FANCI: variants seen among roughly 807,000 people sequenced by gnomAD.
FANCI encodes Fanconi anemia group I protein.
A neutral mutation model predicts 176.1 loss-of-function variants in FANCI; 156 were observed. The ratio of observed to expected loss-of-function variants is 0.89; its 90% CI spans 0.78 to 1.01. The LOEUF (loss-of-function observed/expected upper bound fraction) is 1.01, where lower values mean the gene tolerates loss of function less well. Among genes scored for constraint, FANCI ranks in the 50% least tolerant of loss-of-function variants. FANCI has a pLI of 0.00. For missense variants in FANCI, 1,678 were observed against 1,534.1 expected (o/e 1.09, Z -1.57); for synonymous variants, 613 against 541.7 (o/e 1.13, Z -1.83).
At position 89,307,426 on chromosome 15, in the gene FANCI, T is replaced by C. The variant is rs757021766; in HGVS notation, c.3538-50T>C. The stretch of plus-strand genomic sequence containing the variant: ...TCCATAGGCTCACTGCAGCAGTCAC[T>C]TGTAGTTTCATAGGACAGTCTACTA... On this transcript the variant is annotated intron_variant, in intron 32 of 37. Transcript: ENST00000310775. 5.1e-6 allele frequency: 8 copies of C among 1,558,378 alleles called. No individual in the cohort carries two copies. The South Asian group carries it at 9.1e-5, about 18-fold the overall frequency.
intron 1 of FANCI, among the ~76,000 whole-genome samples, chr15:89,246,218 GCCT>G (rs1219937080): frequency 6.6e-6 from 1 of 152,046 alleles, no homozygotes; most frequent in Non-Finnish European, 1.5e-5. Context: ...TGCTTCATGT[GCCT>G]CCATTTCATC....
intron 9 of FANCI, among the ~76,000 whole-genome samples, chr15:89,267,874 C>T (rs755496475): frequency 1.8e-4 from 27 of 152,166 alleles, no homozygotes; most frequent in Non-Finnish European, 3.2e-4. Context: ...CCACAGTGAG[C>T]TATGATCATG....
intron 15 of FANCI, among the ~76,000 whole-genome samples, chr15:89,281,504 A>G (rs908049106): frequency 6.6e-6 from 1 of 152,102 alleles, no homozygotes; most frequent in Non-Finnish European, 1.5e-5. Context: ...TATTCTCTCA[A>G]CTCATTTTCA....
At chr15:89,261,970 A>C in intron 6 of FANCI, 92 bp downstream of exon 6, 1 of 1,136,934 alleles carries the variant, frequency 8.8e-7, no homozygotes, top group South Asian at 1.3e-5. Flanking sequence ...GGAGGTTTTA[A>C]GTCCTTCTTT....
intron 8 of FANCI, 60 bp downstream of exon 8, chr15:89,264,086 A>G (rs2052834210): frequency 1.3e-6 from 2 of 1,586,812 alleles, no homozygotes; most frequent in Non-Finnish European, 1.7e-6. Flanking sequence ...TGACCATTCA[A>G]CTTATTCATA....
chr15:89,282,688 G>A lies in FANCI; in HGVS notation c.1584-448G>A, dbSNP rs1334598999. The stretch of plus-strand genomic sequence containing the variant: ...ACATCTTTAACATGAATTAATCATT[G>A]CGCCTCAGTGAGAAGACAAGTGTGA... On this transcript the variant is annotated intron_variant, in intron 16 of 37. Transcript: ENST00000310775. 3 of 233,828 alleles carry A rather than the reference G, an allele frequency of 1.3e-5. No individual in the cohort carries two copies. The East Asian group carries it at 3.0e-4, about 23-fold the overall frequency. The allele number at this position is 233,828 out of a possible 1,614,324, so 14.5% of individuals were successfully genotyped here.
Position 89,268,312 on chromosome 15 carries a change from G to C in FANCI, c.756-87G>C, listed in dbSNP as rs7496308. Reference sequence around the variant, plus strand: ...TCTTGAACTCCTGGGATCAAGTGATGCGCCCGCCTTGGCCTCCCAAAGTGC... The same window carrying C: ...TCTTGAACTCCTGGGATCAAGTGATCCGCCCGCCTTGGCCTCCCAAAGTGC... On this transcript the variant is annotated intron_variant, in intron 9 of 37. Coordinates refer to ENST00000310775, the MANE Select transcript of FANCI (RefSeq NM_001113378.2). The C allele has an allele frequency of 0.4, 573,047 of 1,418,244 alleles. 119,339 individuals carry two copies. Among genetic ancestry groups the C allele is most frequent in the African/African-American group, 0.66 (46,628 of 71,142 alleles). The allele number at this position is 1,418,244 out of a possible 1,614,324, so 87.9% of individuals were successfully genotyped here.
chr15:89,304,004 A>T, intron 28 of FANCI, 89 bp downstream of exon 28: 1 of 1,272,770 alleles, frequency 7.9e-7, no homozygotes, highest in South Asian at 1.2e-5. Flanking sequence ...TTCCCCATTC[A>T]TTACACATTC....
At chr15:89,274,599 CTTTT>C (rs1157910630) in intron 12 of FANCI, among the ~76,000 whole-genome samples, 4 of 82,814 alleles carry the variant, frequency 4.8e-5, no homozygotes, top group African/African-American at 1.0e-4. Context: ...TCTTTCTTTC[CTTTT>C]TTTTTTTTTT....
In FANCI at chr15:89,281,748, C is replaced by T. The variant is rs748743855; in HGVS notation, c.1513-17C>T. The T allele has an allele frequency of 3.1e-6, 5 of 1,612,596 alleles. No homozygotes were observed. The Admixed American group carries it at 8.3e-5, about 27-fold the overall frequency. On this transcript the variant is annotated splice_polypyrimidine_tract_variant and intron_variant, in intron 15 of 37. Transcript: ENST00000310775. Reference sequence around the variant, plus strand: ...TAAGCAAACTTGTTCTGTTTTTACCCACTGATTCTTTTTCAGCCCCTTCTC... The same window carrying T: ...TAAGCAAACTTGTTCTGTTTTTACCTACTGATTCTTTTTCAGCCCCTTCTC...
chr15:89,291,801 C>G, intron 20 of FANCI, 87 bp downstream of exon 20: 4 of 1,023,504 alleles, frequency 3.9e-6, no homozygotes, highest in Non-Finnish European at 6.1e-6. Context: ...CCCTGTGAAA[C>G]TCTCTTCCTG....
At chr15:89,249,697 AT>A (rs2052153624) in intron 2 of FANCI, among the ~76,000 whole-genome samples, 1 of 152,180 alleles carries the variant, frequency 6.6e-6, no homozygotes, top group Non-Finnish European at 1.5e-5. Flanking sequence ...AACTCACAAA[AT>A]AAGGGATGGA....
At chr15:89,311,642 T>G (rs1400769163) in intron 34 of FANCI, among the ~76,000 whole-genome samples, 1 of 152,152 alleles carries the variant, frequency 6.6e-6, no homozygotes, top group East Asian at 1.9e-4. Context: ...TACCCTGCCT[T>G]CCAGGGCCAA....
chr15:89,270,850 T>C lies in FANCI; in HGVS notation c.882+2325T>C, dbSNP rs574707291. Among the ~76,000 whole-genome samples, 4 of 152,352 alleles carry C rather than the reference T, an allele frequency of 2.6e-5. No individual in the cohort carries two copies. In the East Asian group the frequency reaches 5.8e-4, roughly 22 times the overall value. ...ATGCCCAAGGCTCACCATAGTACTT[T>C]CTTTGCCCCATCCTGATGCTAGCCA... On this transcript the variant is annotated intron_variant, in intron 10 of 37. Coordinates refer to ENST00000310775, the MANE Select transcript of FANCI (RefSeq NM_001113378.2).
In FANCI at chr15:89,258,719, C is replaced by G. The variant is rs1432524532; in HGVS notation, c.100C>G (p.Gln34Glu). The change falls in exon 3 of 38, where the codon CAG (glutamine) becomes GAG (glutamate). Residue 34 changes from glutamine to glutamate, a missense_variant. Physicochemically the swap from Gln to Glu is conservative, Grantham distance 29. Coordinates refer to ENST00000310775, the MANE Select transcript of FANCI (RefSeq NM_001113378.2). Reference protein sequence around the residue: ...LREGDLTNLLQNQAVKGKVAG... With the variant: ...LREGDLTNLLENQAVKGKVAG... ...TTCTTTGCAGTTGACTAATCTCCTT[C>G]AGAATCAAGCAGTGAAAGGAAAAGT... 2.5e-6 allele frequency: 4 copies of G among 1,613,506 alleles called. No homozygotes were observed. The highest frequency in any genetic ancestry group is 3.4e-6 in the Non-Finnish European group (4 of 1,179,458).
chr15:89,246,766 T>TTC (rs1555439980), intron 1 of FANCI, among the ~76,000 whole-genome samples: 4 of 137,408 alleles, frequency 2.9e-5, no homozygotes, highest in South Asian at 2.4e-4. Flanking sequence ...TTCCTTTCTT[T>TTC]TTTTTTTTTT....
Position 89,294,897 on chromosome 15 carries a change from C to T in FANCI, c.2457-18C>T, listed in dbSNP as rs1490620760. 1.6e-5 allele frequency: 24 copies of T among 1,545,444 alleles called. No homozygotes were observed. In the Admixed American group the frequency reaches 2.7e-4, roughly 17 times the overall value. ...AGGGAATCTTCCTTTTTCTTTCTCT[C>T]TCTCTGTCTCTCTCTAGGGATAGTA... is the stretch of plus-strand genomic sequence containing the variant. On this transcript the variant is annotated intron_variant, in intron 23 of 37. Transcript: ENST00000310775.
chr15:89,244,688 G>A (rs1167777207), intron 1 of FANCI, among the ~76,000 whole-genome samples: 7 of 152,194 alleles, frequency 4.6e-5, no homozygotes, highest in South Asian at 2.1e-4. Context: ...GTAGTTCAAA[G>A]CATGGGATCT....
chr15:89,288,825 A>G (rs937936047), intron 18 of FANCI, among the ~76,000 whole-genome samples: 1 of 151,648 alleles, frequency 6.6e-6, no homozygotes, highest in Non-Finnish European at 1.5e-5. Flanking sequence ...CCTTTTGTAG[A>G]GACAGGGTCT....
Sources: gnomAD v4.1 joint callset for allele counts (sites outside exome capture counted in the v4.1 genomes callset) on GRCh38, gnomAD v4.1.1 for gene constraint, MANE v1.5 for transcripts, NCBI Gene and HGNC (gene_info 2026-07-23, HGNC 2026-07-21) for gene names.